Variants in CACNA1E observed in about 807,000 individuals in gnomAD.
CACNA1E encodes the protein calcium voltage-gated channel subunit alpha1 E, also known as voltage-dependent R-type calcium channel subunit alpha-1E.
In CACNA1E, 40 loss-of-function variants were observed where a neutral mutation model predicts 259.2. That is an observed-to-expected ratio of 0.15 (90% CI 0.12 to 0.20). The LOEUF (loss-of-function observed/expected upper bound fraction) is 0.20. Among genes scored for constraint, CACNA1E ranks in the 10% least tolerant of loss-of-function variants. The pLI is 1.00. For synonymous variants in CACNA1E, 1,104 were observed against 1,138.5 expected (o/e 0.97, Z 0.61); for missense variants, 1,874 against 3,040.1 (o/e 0.62, Z 9.02).
intron 3 of CACNA1E, among the ~76,000 whole-genome samples, chr1:181,540,157 G>A (rs967093879): frequency 3.9e-5 from 6 of 152,068 alleles, no homozygotes; most frequent in Admixed American, 2.0e-4. Context: ...CGATGTAAAC[G>A]CATTTCCTAG....
chr1:181,727,299 G>A (rs1344619084), intron 18 of CACNA1E, among the ~76,000 whole-genome samples: 2 of 152,228 alleles, frequency 1.3e-5, no homozygotes, highest in Non-Finnish European at 2.9e-5. Context: ...CAGCCGGGAG[G>A]CAAGAGAAAG....
chr1:181,807,457 C>G lies in CACNA1E; in HGVS notation c.*8623C>G, dbSNP rs1184036713. On this transcript the variant is annotated 3_prime_UTR_variant, in exon 48 of 48. Transcript: ENST00000367573. ...TTCTTCCTCCTGTCCACATCACTCCCCATTTAACTGCAATTGCTCCCTTGC... is the reference window on the plus strand; with the variant it reads ...TTCTTCCTCCTGTCCACATCACTCCGCATTTAACTGCAATTGCTCCCTTGC... The G allele has an allele frequency of 1.3e-5, 2 of 152,064 alleles. No homozygotes were observed. Among genetic ancestry groups the G allele is most frequent in the African/African-American group, 4.8e-5 (2 of 41,384 alleles). The allele number at this position is 152,064 out of a possible 1,614,324, so 9.4% of individuals were successfully genotyped here.
chr1:181,781,613 G>T, intron 39 of CACNA1E, 90 bp downstream of exon 39: 1 of 743,464 alleles, frequency 1.3e-6, no homozygotes, highest in Non-Finnish European at 2.4e-6. Context: ...AGGAAGCCAG[G>T]CTGGGGAGGT....
At chr1:181,336,558 G>A (rs888632388) in intron 1 of CACNA1E, among the ~76,000 whole-genome samples, 2 of 152,128 alleles carry the variant, frequency 1.3e-5, no homozygotes, top group African/African-American at 2.4e-5. Flanking sequence ...TTATTTTATT[G>A]TGGTAAAATA....
chr1:181,549,638 G>A (rs1647904109), intron 3 of CACNA1E, among the ~76,000 whole-genome samples: 1 of 152,166 alleles, frequency 6.6e-6, no homozygotes, highest in South Asian at 2.1e-4. Context: ...TGGGAGAAGG[G>A]GAGTTGCCCA....
intron 2 of CACNA1E, among the ~76,000 whole-genome samples, chr1:181,477,278 G>C (rs994519152): frequency 6.6e-6 from 1 of 152,076 alleles, no homozygotes; most frequent in Non-Finnish European, 1.5e-5. Flanking sequence ...CCAGTGGGAG[G>C]GGATGGCTCC....
chr1:181,654,006 A>G (rs1658981927), intron 7 of CACNA1E, among the ~76,000 whole-genome samples: 1 of 152,172 alleles, frequency 6.6e-6, no homozygotes, highest in African/African-American at 2.4e-5. Flanking sequence ...TGACCAACAC[A>G]TAAGAACAAA....
At chr1:181,604,419 G>A (rs567116487) in intron 6 of CACNA1E, among the ~76,000 whole-genome samples, 11 of 152,188 alleles carry the variant, frequency 7.2e-5, no homozygotes, top group East Asian at 1.9e-4. Flanking sequence ...CTGAGGGATC[G>A]TTTCAGAGAA....
intron 7 of CACNA1E, among the ~76,000 whole-genome samples, chr1:181,679,306 G>A (rs1434531004): frequency 2.0e-5 from 3 of 152,208 alleles, no homozygotes; most frequent in Non-Finnish European, 2.9e-5. Flanking sequence ...AACTGCAGGA[G>A]CCTTGCATAC....
Position 181,505,080 on chromosome 1 carries a change from T to C in CACNA1E, c.267-5397T>C, listed in dbSNP as rs150631011. ...TGGTCATTTCCTCATTTTGGCCAGG[T>C]CCCTTCATTCTCTTGCATTTAATCC... On this transcript the variant is annotated intron_variant, in intron 1 of 47. Coordinates refer to ENST00000367573, the MANE Select transcript of CACNA1E (RefSeq NM_001205293.3). Among the ~76,000 whole-genome samples the C allele has an allele frequency of 4.6e-5, 7 of 152,286 alleles. No homozygotes were observed. In the East Asian group the frequency reaches 1.4e-3, roughly 29 times the overall value.
At chr1:181,633,913 A>G (rs1252335031) in intron 6 of CACNA1E, among the ~76,000 whole-genome samples, 1 of 152,268 alleles carries the variant, frequency 6.6e-6, no homozygotes, top group Non-Finnish European at 1.5e-5. Context: ...ATGTCACAGA[A>G]CAAAGAAGAA....
intron 7 of CACNA1E, among the ~76,000 whole-genome samples, chr1:181,679,632 C>T (rs779411913): frequency 2.6e-5 from 4 of 152,166 alleles, no homozygotes; most frequent in Non-Finnish European, 4.4e-5. Flanking sequence ...GCCACACTCA[C>T]AAGGCATATT....
intron 2 of CACNA1E, among the ~76,000 whole-genome samples, chr1:181,467,080 C>G (rs982403904): frequency 1.3e-5 from 2 of 152,188 alleles, no homozygotes; most frequent in African/African-American, 4.8e-5. Context: ...TAGCTAATGG[C>G]AGTTCACTTA....
At chr1:181,724,370 C>G in intron 16 of CACNA1E, 100 bp from the exon 17 acceptor site, 1 of 881,768 alleles carries the variant, frequency 1.1e-6, no homozygotes, top group Non-Finnish European at 1.8e-6. Flanking sequence ...AGCTTCTGTT[C>G]CTGTTAATGT....
intron 7 of CACNA1E, among the ~76,000 whole-genome samples, chr1:181,687,328 A>G (rs1650683649): frequency 6.6e-6 from 1 of 152,154 alleles, no homozygotes; most frequent in South Asian, 2.1e-4. Flanking sequence ...TTGGGGAGTC[A>G]CTCAGGACAA....
intron 1 of CACNA1E, among the ~76,000 whole-genome samples, chr1:181,376,958 C>T (rs886276676): frequency 3.9e-5 from 6 of 152,144 alleles, no homozygotes; most frequent in Non-Finnish European, 5.9e-5. Context: ...CTTAGCTTCT[C>T]CCAGGAAGAA....
intron 6 of CACNA1E, among the ~76,000 whole-genome samples, chr1:181,621,537 T>G (rs891547053): frequency 1.3e-5 from 2 of 152,112 alleles, no homozygotes; most frequent in Non-Finnish European, 2.9e-5. Context: ...AGAAAAAAAT[T>G]CAACAGTAAT....
chr1:181,730,029 T>A (rs1394445792), intron 18 of CACNA1E, among the ~76,000 whole-genome samples: 1 of 152,208 alleles, frequency 6.6e-6, no homozygotes. Context: ...CACAATGATG[T>A]CTGCATCAGT....
intron 34 of CACNA1E, among the ~76,000 whole-genome samples, chr1:181,765,830 G>C (rs1027223863): frequency 5.9e-5 from 9 of 152,198 alleles, no homozygotes; most frequent in African/African-American, 1.9e-4. Flanking sequence ...ACCAAGGCCA[G>C]TTCCCTGCCT....
Sources: gnomAD v4.1 joint callset for allele counts (sites outside exome capture counted in the v4.1 genomes callset) on GRCh38, gnomAD v4.1.1 for gene constraint, MANE v1.5 for transcripts, NCBI Gene and HGNC (gene_info 2026-07-23, HGNC 2026-07-21) for gene names.